The following PARG variants were observed in gnomAD, a reference collection of about 807,000 sequenced individuals.
PARG encodes the protein mitochondrial poly(ADP-ribose) glycohydrolase.
A neutral mutation model predicts 113.0 loss-of-function variants in PARG; 35 were observed. The ratio of observed to expected loss-of-function variants is 0.31; its 90% CI spans 0.24 to 0.41. The LOEUF (loss-of-function observed/expected upper bound fraction) is 0.41. Ranked by LOEUF, PARG falls within the 10% of genes least tolerant of loss-of-function variation. PARG has a pLI of 1.00. For synonymous variants in PARG, 330 were observed against 409.9 expected (o/e 0.81, Z 2.36); for missense variants, 797 against 1,169.4 (o/e 0.68, Z 4.64).
chr10:49,901,455 T>C (rs1487384168), intron 7 of PARG, among the ~76,000 whole-genome samples: 2 of 149,236 alleles, frequency 1.3e-5, no homozygotes, highest in Non-Finnish European at 1.5e-5. Flanking sequence ...CTTAGCACAC[T>C]CACAGCGCTA....
Sources: allele counts gnomAD v4.1 joint callset (sites outside exome capture counted in the v4.1 genomes callset), GRCh38; gene constraint gnomAD v4.1.1; transcripts MANE v1.5; gene names NCBI Gene and HGNC (gene_info 2026-07-23, HGNC 2026-07-21).